The following PSG6 variants were observed in gnomAD, a reference collection of about 807,000 sequenced individuals.
PSG6 encodes the protein pregnancy specific beta-1-glycoprotein 6, also known as pregnancy-specific beta-1-glycoprotein 6.
Under a neutral mutation model 43.3 loss-of-function variants are expected in PSG6, and 51 were observed. The observed-to-expected ratio is 1.18, with a 90% CI of 0.94 to 1.49. The LOEUF is 1.49. Ranked by LOEUF, PSG6 falls within the 40% of genes most tolerant of loss-of-function variation. The pLI, the probability that PSG6 is intolerant of heterozygous loss-of-function variation, is 0.00. For missense variants in PSG6, 770 were observed against 522.2 expected (o/e 1.47, Z -4.62); for synonymous variants, 292 against 197.6 (o/e 1.48, Z -4.01).
chr19:42,911,138 G>T (rs1020136689), intron 2 of PSG6, among the ~76,000 whole-genome samples: 2 of 151,546 alleles, frequency 1.3e-5, no homozygotes, highest in African/African-American at 2.4e-5. Context: ...ACAGCCCCTG[G>T]TGCCTCTCTG....
chr19:42,911,351 C>T (rs1156553338), intron 2 of PSG6, among the ~76,000 whole-genome samples: 3 of 151,632 alleles, frequency 2.0e-5, no homozygotes, highest in South Asian at 2.1e-4. Flanking sequence ...AAAGCCTGGC[C>T]TGGAACTGGG....
At chr19:42,912,036 C>G (rs1330159251) in intron 2 of PSG6, among the ~76,000 whole-genome samples, 5 of 151,644 alleles carry the variant, frequency 3.3e-5, no homozygotes, top group Admixed American at 1.3e-4. Flanking sequence ...AAGCTTAAAA[C>G]AAAGTGTTTT....
In PSG6 at chr19:42,907,841, C is replaced by G. The variant is rs369507678; in HGVS notation, c.720G>C (p.Met240Ile). The G allele has an allele frequency of 7.4e-6, 12 of 1,611,420 alleles. No homozygotes were observed. Among genetic ancestry groups the G allele is most frequent in the South Asian group, 4.4e-5 (4 of 90,800 alleles). ...VTLNLLPKLP[M>I]PYITINNLNP... The stretch of plus-strand genomic sequence containing the variant: ...TTAAGTTGTTGATGGTGATGTAAGG[C>G]ATGGGCAGCTTCGCTGTGTGGATAA... Residue 240 changes from methionine to isoleucine, a missense_variant, in exon 4 of 6, where the codon ATG becomes ATC. Transcript: ENST00000187910.
At chr19:42,909,279 C>T (rs150307820) in intron 3 of PSG6, among the ~76,000 whole-genome samples, 6 of 151,482 alleles carry the variant, frequency 4.0e-5, no homozygotes, top group East Asian at 1.9e-4. Context: ...ATGCTGCACT[C>T]GTATATTTTT....
Position 42,902,214 on chromosome 19 carries a change from C to T in PSG6, c.*198G>A, listed in dbSNP as rs1020374567. On this transcript the variant is annotated 3_prime_UTR_variant, in exon 6 of 6. Transcript: ENST00000187910. ...TTTTGTTTACAAAAGTATACTTTAC[C>T]AATTGCTGAAGAAAAAAAGTTCATA... 6.2e-6 allele frequency: 4 copies of T among 648,218 alleles called. No individual in the cohort carries two copies. Among genetic ancestry groups the T allele is most frequent in the Non-Finnish European group, 1.0e-5 (4 of 401,936 alleles). 40.2% of individuals were successfully genotyped at this position (648,218 alleles called of 1,614,324 possible).
chr19:42,904,320 T>A (rs10426517), intron 5 of PSG6, among the ~76,000 whole-genome samples: 55,870 of 151,226 alleles, frequency 0.37, 12,231 homozygotes, highest in African/African-American at 0.56. Context: ...GAAGAATTTT[T>A]AAAAAGACAT....
chr19:42,902,604 A>G (rs553156070), intron 5 of PSG6, among the ~76,000 whole-genome samples, 158 bp from the exon 6 acceptor site: 1 of 151,756 alleles, frequency 6.6e-6, no homozygotes, highest in East Asian at 1.9e-4. Context: ...AGGATTCCTC[A>G]TCAGCCTTGC....
intron 2 of PSG6, among the ~76,000 whole-genome samples, chr19:42,912,005 A>T (rs1972236241): frequency 1.3e-5 from 2 of 151,680 alleles, no homozygotes; most frequent in South Asian, 4.2e-4. Context: ...CTTCATGCAG[A>T]TACAGTGCTC....
chr19:42,904,186 C>G (rs1263470573), intron 5 of PSG6, among the ~76,000 whole-genome samples: 1 of 151,564 alleles, frequency 6.6e-6, no homozygotes, highest in East Asian at 1.9e-4. Flanking sequence ...AAACCCAATG[C>G]TAACATCTTA....
chr19:42,905,151 T>C (rs1446026160), intron 5 of PSG6, among the ~76,000 whole-genome samples: 2 of 151,658 alleles, frequency 1.3e-5, no homozygotes, highest in Non-Finnish European at 2.9e-5. Flanking sequence ...AAGATCTAAA[T>C]GTAAGAGTAA....
At chr19:42,917,407 AG>A (rs1462596997) in intron 1 of PSG6, among the ~76,000 whole-genome samples, 1 of 131,380 alleles carries the variant, frequency 7.6e-6, no homozygotes, top group Non-Finnish European at 1.6e-5. Context: ...ACTGTCACCC[AG>A]GCTGGCGTGC....
At chr19:42,910,427 T>C in intron 3 of PSG6, 153 bp downstream of exon 3, 1 of 1,582,860 alleles carries the variant, frequency 6.3e-7, no homozygotes. Context: ...CTAGGCCTAC[T>C]CTGGTTTGCC....
chr19:42,910,314 T>A (rs1972194156), intron 3 of PSG6: 2 of 891,916 alleles, frequency 2.2e-6, no homozygotes, highest in Admixed American at 5.9e-5. Context: ...CTGTGTTCAC[T>A]GATCTGGAGC....
chr19:42,903,543 A>G (rs1186644785), intron 5 of PSG6: 5 of 1,326,192 alleles, frequency 3.8e-6, no homozygotes, highest in Non-Finnish European at 4.0e-6. Context: ...ATTGACAACC[A>G]TTAACTAGAT....
In PSG6 at chr19:42,913,340, C is replaced by T. The variant is rs547474249; in HGVS notation, c.428-2482G>A. On this transcript the variant is annotated intron_variant, in intron 2 of 5. Coordinates refer to ENST00000187910, the MANE Select transcript of PSG6 (RefSeq NM_001031850.4). ...TAATTTTTTGTATTTTTAGTAGAGA[C>T]GGGGTTTCACCATGTTAGCCAGGAT... Among the ~76,000 whole-genome samples the T allele has an allele frequency of 2.2e-4, 33 of 151,632 alleles. 1 individual carries two copies. Among genetic ancestry groups the T allele is most frequent in the Admixed American group, 7.9e-4 (12 of 15,182 alleles).
chr19:42,910,365 C>A, intron 3 of PSG6: 3 of 1,240,778 alleles, frequency 2.4e-6, no homozygotes, highest in South Asian at 2.9e-5. Flanking sequence ...AGCTGTGGAA[C>A]CTGAGTCTCC....
At chr19:42,916,674 C>A (rs901469447) in intron 1 of PSG6, among the ~76,000 whole-genome samples, 187 bp from the exon 2 acceptor site, 1 of 147,574 alleles carries the variant, frequency 6.8e-6, no homozygotes, top group African/African-American at 2.5e-5. Flanking sequence ...GTCCTACTGT[C>A]CTACTAGGTC....
At chr19:42,905,883 C>T (rs12188) in intron 5 of PSG6, among the ~76,000 whole-genome samples, 2,554 of 151,460 alleles carry the variant, frequency 0.017, 80 homozygotes, top group Non-Finnish European at 0.025. Flanking sequence ...TACATAGAGA[C>T]AGAAAGTAGA....
chr19:42,914,538 A>G (rs1263971653), intron 2 of PSG6, among the ~76,000 whole-genome samples: 2 of 148,054 alleles, frequency 1.4e-5, no homozygotes, highest in African/African-American at 2.5e-5. Flanking sequence ...CCAGGACCAA[A>G]GAGCCCTGAG....
Sources: allele counts gnomAD v4.1 joint callset (sites outside exome capture counted in the v4.1 genomes callset), GRCh38; gene constraint gnomAD v4.1.1; transcripts MANE v1.5; gene names NCBI Gene and HGNC (gene_info 2026-07-23, HGNC 2026-07-21).